The following CTNNA2 variants were observed in gnomAD, a reference collection of about 807,000 sequenced individuals.
CTNNA2 encodes catenin alpha 2, also known as catenin alpha-2.
Under a neutral mutation model 101.0 loss-of-function variants are expected in CTNNA2, and 42 were observed. The observed-to-expected ratio is 0.42, with a 90% confidence interval of 0.32 to 0.54. CTNNA2 has a LOEUF of 0.54. CTNNA2 is among the 20% of genes least tolerant of loss of function. The pLI is 0.14. For synonymous variants in CTNNA2, 450 were observed against 456.4 expected (o/e 0.99, Z 0.18); for missense variants, 871 against 1,223.1 (o/e 0.71, Z 4.29).
At chr2:80,562,411 A>C (rs1330061985) in intron 12 of CTNNA2, among the ~76,000 whole-genome samples, 2 of 152,210 alleles carry the variant, frequency 1.3e-5, no homozygotes, top group African/African-American at 4.8e-5. Flanking sequence ...ATTAAAAACT[A>C]CGCTGAGAAA....
chr2:80,300,281 GGTGT>G (rs70940079), intron 7 of CTNNA2, among the ~76,000 whole-genome samples: 18,714 of 92,318 alleles, frequency 0.2, 1,399 homozygotes, highest in Non-Finnish European at 0.26. Context: ...GGGGTGTTGG[GGTGT>G]GTGTGTGTGT....
intron 9 of CTNNA2, among the ~76,000 whole-genome samples, chr2:80,527,671 G>C (rs1168203539): frequency 6.6e-6 from 1 of 152,156 alleles, no homozygotes; most frequent in East Asian, 1.9e-4. Flanking sequence ...GAGTCATTGG[G>C]AGAGAGAGGA....
chr2:80,424,161 G>C (rs539577254), intron 9 of CTNNA2, among the ~76,000 whole-genome samples: 5 of 152,034 alleles, frequency 3.3e-5, no homozygotes, highest in Admixed American at 2.0e-4. Flanking sequence ...TCACTATGTT[G>C]GCCAGGCTGG....
At chr2:79,793,884 TCATG>T (rs966455745) in intron 3 of CTNNA2, among the ~76,000 whole-genome samples, 4 of 98,254 alleles carry the variant, frequency 4.1e-5, no homozygotes, top group African/African-American at 2.2e-4. Context: ...ACACACACAC[TCATG>T]CACACACACA....
chr2:80,201,126 C>T (rs755499984), intron 7 of CTNNA2, among the ~76,000 whole-genome samples: 30 of 152,024 alleles, frequency 2.0e-4, no homozygotes, highest in Non-Finnish European at 3.5e-4. Flanking sequence ...AATGTAAATG[C>T]TATGTTAATT....
intron 7 of CTNNA2, chr2:80,305,000 A>T: frequency 3.2e-6 from 3 of 925,458 alleles, no homozygotes; most frequent in Non-Finnish European, 3.9e-6. Context: ...GGGAAACTGA[A>T]ATGTTCTGTG....
intron 7 of CTNNA2, among the ~76,000 whole-genome samples, chr2:80,074,309 A>G (rs990133312): frequency 6.6e-6 from 1 of 152,164 alleles, no homozygotes; most frequent in African/African-American, 2.4e-5. Context: ...ACAGACCCCC[A>G]TCTGGCTACA....
At chr2:79,498,315 T>C (rs1430640) in intron 4 of CTNNA2, among the ~76,000 whole-genome samples, 4,099 of 152,184 alleles carry the variant, frequency 0.027, 155 homozygotes, top group East Asian at 0.15. Flanking sequence ...CCAGTCCCAG[T>C]AGGTGCAAAT....
At chr2:80,554,926 A>C (rs1322845311) in intron 11 of CTNNA2, among the ~76,000 whole-genome samples, 1 of 152,168 alleles carries the variant, frequency 6.6e-6, no homozygotes, top group Non-Finnish European at 1.5e-5. Flanking sequence ...CAAGGGAATA[A>C]ATAATGTGTT....
chr2:79,608,923 C>A (rs1558768388), intron 1 of CTNNA2, among the ~76,000 whole-genome samples: 1 of 151,708 alleles, frequency 6.6e-6, no homozygotes, highest in Non-Finnish European at 1.5e-5. Context: ...TAGGGAGGAA[C>A]AAAATATGTA....
chr2:80,060,866 C>G (rs534101063), intron 7 of CTNNA2, among the ~76,000 whole-genome samples: 2 of 152,274 alleles, frequency 1.3e-5, no homozygotes, highest in East Asian at 3.9e-4. Context: ...CTCTTAGAGC[C>G]TTGGGTTGAA....
chr2:79,754,074 G>T (rs905558763), intron 3 of CTNNA2, among the ~76,000 whole-genome samples: 1 of 151,874 alleles, frequency 6.6e-6, no homozygotes, highest in African/African-American at 2.4e-5. Flanking sequence ...TCACCATGTT[G>T]GCCAAGCTGG....
intron 18 of CTNNA2, among the ~76,000 whole-genome samples, chr2:80,644,216 A>G (rs1425779525): frequency 6.6e-6 from 1 of 152,142 alleles, no homozygotes; most frequent in African/African-American, 2.4e-5. Context: ...CAACTTCCTC[A>G]CTTATTAAAT....
At chr2:80,464,795 G>A (rs1684722085) in intron 9 of CTNNA2, among the ~76,000 whole-genome samples, 1 of 152,022 alleles carries the variant, frequency 6.6e-6, no homozygotes, top group Non-Finnish European at 1.5e-5. Context: ...CATGAGGAAG[G>A]TACTAGTACA....
chr2:79,458,332 A>T (rs1446557678), intron 4 of CTNNA2, among the ~76,000 whole-genome samples: 2 of 152,176 alleles, frequency 1.3e-5, no homozygotes, highest in Non-Finnish European at 2.9e-5. Flanking sequence ...AAATGAGTGA[A>T]TTTTGAAGAA....
intron 1 of CTNNA2, among the ~76,000 whole-genome samples, chr2:79,650,054 C>T (rs1681109432): frequency 6.6e-6 from 1 of 151,522 alleles, no homozygotes; most frequent in Admixed American, 6.6e-5. Context: ...GGTATTAAGG[C>T]AAATCATTCA....
At chr2:79,537,032 T>G (rs192158449) in intron 1 of CTNNA2, among the ~76,000 whole-genome samples, 3 of 152,180 alleles carry the variant, frequency 2.0e-5, no homozygotes, top group African/African-American at 7.2e-5. Context: ...CACTCAGGGT[T>G]CTCATGTTGT....
At chr2:80,505,049 G>A (rs1199625191) in intron 9 of CTNNA2, among the ~76,000 whole-genome samples, 4 of 152,124 alleles carry the variant, frequency 2.6e-5, no homozygotes, top group East Asian at 1.9e-4. Flanking sequence ...CATGCCTTAC[G>A]GAGGCTAATG....
chr2:80,319,793 G>A (rs1212960257), intron 7 of CTNNA2, among the ~76,000 whole-genome samples: 1 of 152,286 alleles, frequency 6.6e-6, no homozygotes, highest in Non-Finnish European at 1.5e-5. Flanking sequence ...TGTCAGGAGG[G>A]TTAAAATAAG....
Sources: gnomAD v4.1 joint callset for allele counts (sites outside exome capture counted in the v4.1 genomes callset) on GRCh38, gnomAD v4.1.1 for gene constraint, MANE v1.5 for transcripts, NCBI Gene and HGNC (gene_info 2026-07-23, HGNC 2026-07-21) for gene names.